The following ANTXRL variants were observed in gnomAD, a reference collection of about 807,000 sequenced individuals.
ANTXRL encodes anthrax toxin receptor-like.
ANTXRL carries 63 observed loss-of-function variants against 75.4 expected under a neutral mutation model. The ratio of observed to expected loss-of-function variants is 0.84; its 90% confidence interval spans 0.68 to 1.03. The LOEUF (loss-of-function observed/expected upper bound fraction) is 1.03. Ranked by LOEUF, ANTXRL falls within the 50% of genes least tolerant of loss-of-function variation. ANTXRL has a pLI of 0.00. For missense variants in ANTXRL, 797 were observed against 789.4 expected (o/e 1.01, Z -0.12); for synonymous variants, 335 against 291.3 (o/e 1.15, Z -1.53).
chr10:46,313,085 C>T (rs1376453146), intron 15 of ANTXRL, 151 bp from the exon 16 acceptor site: 2 of 710,838 alleles, frequency 2.8e-6, no homozygotes, highest in South Asian at 1.6e-5. Flanking sequence ...CCCCAGCACA[C>T]AAGGCTGCCA....
intron 12 of ANTXRL, 105 bp from the exon 13 acceptor site, chr10:46,309,008 C>T (rs1351693519): frequency 9.3e-5 from 137 of 1,470,980 alleles, no homozygotes; most frequent in Middle Eastern, 7.0e-4. Flanking sequence ...TACCCGGATG[C>T]GGGGCCAGCT....
chr10:46,292,217 G>A (rs1837020600), intron 2 of ANTXRL, 88 bp downstream of exon 2: 1 of 1,288,886 alleles, frequency 7.8e-7, no homozygotes, highest in Non-Finnish European at 1.1e-6. Flanking sequence ...ATCAGATGGG[G>A]TGGGCGTGGG....
chr10:46,303,659 G>A (rs1554961125), intron 10 of ANTXRL, among the ~76,000 whole-genome samples: 2 of 152,128 alleles, frequency 1.3e-5, no homozygotes, highest in Admixed American at 1.3e-4. Context: ...AATCACATGC[G>A]TAGAGCAGTT....
chr10:46,293,897 A>G lies in ANTXRL; in HGVS notation c.389A>G (p.Asp130Gly), dbSNP rs1426311324. ...CAGACTGTCTTGCCACTCACCTCAG[A>G]CAAGTGAGTGCTGCTTTGAGCCCCA... ...DGQTVLPLTSDKNRIKNGLDQ... is the reference protein window; with the variant it reads ...DGQTVLPLTSGKNRIKNGLDQ... Residue 130 changes from aspartate (D) to glycine (G), a missense_variant, in exon 3 of 17, where the codon GAC becomes GGC. Asp to Gly is a moderately conservative substitution (Grantham distance 94). Transcript: ENST00000620264. 10 of 1,535,352 alleles carry G rather than the reference A, an allele frequency of 6.5e-6. No homozygotes were observed. The highest frequency in any genetic ancestry group is 8.7e-6 in the Non-Finnish European group (10 of 1,146,486).
At chr10:46,323,712 C>T (rs931379411) in intron 16 of ANTXRL, among the ~76,000 whole-genome samples, 3 of 152,092 alleles carry the variant, frequency 2.0e-5, no homozygotes, top group Non-Finnish European at 4.4e-5. Context: ...TGAGTAGGAA[C>T]TTCTAATACC....
chr10:46,294,055 C>T, intron 3 of ANTXRL, 155 bp downstream of exon 3: 1 of 642,730 alleles, frequency 1.6e-6, no homozygotes, highest in Non-Finnish European at 2.6e-6. Flanking sequence ...TGACCTTAGC[C>T]CCGGCTCCCC....
At chr10:46,298,963 C>A (rs1554959803) in intron 9 of ANTXRL, among the ~76,000 whole-genome samples, 1 of 151,638 alleles carries the variant, frequency 6.6e-6, no homozygotes, top group Non-Finnish European at 1.5e-5. Flanking sequence ...GTGTGAGTAC[C>A]TTTGTACAAT....
rs6602879 is a variant in ANTXRL, at chr10:46,306,719, A to C, written c.896-84A>C. The C allele has an allele frequency of 1.2e-5, 14 of 1,208,588 alleles. No individual in the cohort carries two copies. In the South Asian group the frequency reaches 2.3e-4, roughly 20 times the overall value. The allele number at this position is 1,208,588 out of a possible 1,614,324, so 74.9% of individuals were successfully genotyped here. ...CATGCCGGTCCTGGGCCACAGGGTC[A>C]GCCCTGCATGCTGAGGACAGACATG... On this transcript the variant is annotated intron_variant, in intron 10 of 16. Coordinates refer to ENST00000620264, the MANE Select transcript of ANTXRL (RefSeq NM_001278688.3).
intron 9 of ANTXRL, 68 bp from the exon 10 acceptor site, chr10:46,302,654 T>C: frequency 1.7e-6 from 2 of 1,168,282 alleles, no homozygotes; most frequent in South Asian, 1.3e-5. Flanking sequence ...TCTCCAGGAA[T>C]AGGGAGGTCA....
chr10:46,295,999 C>A lies in ANTXRL; in HGVS notation c.393-20C>A, dbSNP rs2132682746. ...AGTCAATGTCTTTCCAGGTCAACCA[C>A]CTTTTTAAATTTTTTTCAGGAATAG... On this transcript the variant is annotated intron_variant, in intron 3 of 16. Transcript: ENST00000620264. The A allele has an allele frequency of 6.5e-7, 1 of 1,532,080 alleles. No individual in the cohort carries two copies. Among genetic ancestry groups the A allele is most frequent in the East Asian group, 2.4e-5 (1 of 40,900 alleles). The allele number at this position is 1,532,080 out of a possible 1,614,324, so 94.9% of individuals were successfully genotyped here.
At chr10:46,297,521 A>G in intron 7 of ANTXRL, 47 bp downstream of exon 7, 1 of 1,526,550 alleles carries the variant, frequency 6.6e-7, no homozygotes, top group Non-Finnish European at 8.8e-7. Flanking sequence ...CCTAGTGGTC[A>G]CTTTCGAGCC....
At chr10:46,295,043 A>T (rs1554958137) in intron 3 of ANTXRL, among the ~76,000 whole-genome samples, 1 of 152,172 alleles carries the variant, frequency 6.6e-6, no homozygotes, top group East Asian at 1.9e-4. Context: ...CTTTAACAGC[A>T]ACTGACAGGC....
intron 2 of ANTXRL, chr10:46,293,103 ATG>A (rs1837073095): frequency 6.7e-6 from 1 of 148,996 alleles, no homozygotes; most frequent in Non-Finnish European, 1.5e-5. Context: ...ATTATAAGGT[ATG>A]TGTGTCTGTG....
At position 46,313,228 on chromosome 10, in the gene ANTXRL, C is replaced by T. The variant is rs782220803; in HGVS notation, c.1330-8C>T. 6.5e-7 allele frequency: 1 copy of T among 1,535,762 alleles called. No homozygotes were observed. The highest frequency in any genetic ancestry group is 1.2e-5 in the South Asian group (1 of 84,042). ...GCATGTCTTCCTCATGGCCACGTTG[C>T]TTTTCAGGGCAATCTGGATACCTTT... On this transcript the variant is annotated splice_polypyrimidine_tract_variant and splice_region_variant and intron_variant, in intron 15 of 16. Transcript: ENST00000620264.
chr10:46,321,400 T>G (rs1554965573), intron 16 of ANTXRL, among the ~76,000 whole-genome samples: 1 of 152,152 alleles, frequency 6.6e-6, no homozygotes, highest in African/African-American at 2.4e-5. Context: ...GGGAGAAATT[T>G]CTCTCATCAG....
intron 1 of ANTXRL, among the ~76,000 whole-genome samples, chr10:46,289,654 G>A (rs568168349): frequency 6.6e-6 from 1 of 152,244 alleles, no homozygotes; most frequent in Non-Finnish European, 1.5e-5. Context: ...GCTTGAGCCT[G>A]AGAGGTCAAG....
intron 16 of ANTXRL, among the ~76,000 whole-genome samples, chr10:46,326,273 G>T (rs924280143): frequency 5.9e-5 from 9 of 152,052 alleles, no homozygotes; most frequent in Non-Finnish European, 1.3e-4. Context: ...TGGTGTTAGG[G>T]ATGATGGAAG....
chr10:46,305,076 T>C (rs1837990667), intron 10 of ANTXRL, among the ~76,000 whole-genome samples: 1 of 152,154 alleles, frequency 6.6e-6, no homozygotes, highest in South Asian at 2.1e-4. Flanking sequence ...GAGAACAACC[T>C]TTAAACCTAT....
At position 46,297,490 on chromosome 10, in the gene ANTXRL, T is replaced by A; in HGVS notation, c.654+16T>A. On this transcript the variant is annotated intron_variant, in intron 7 of 16. Coordinates refer to ENST00000620264, the MANE Select transcript of ANTXRL (RefSeq NM_001278688.3). ...TCTGGATCAGGTAATTCCAAGCAGG[T>A]AACCAGGCGCCACTTTCAAGCCTAG... The A allele has an allele frequency of 1.3e-6, 2 of 1,534,698 alleles. No individual in the cohort carries two copies. Among genetic ancestry groups the A allele is most frequent in the Non-Finnish European group, 1.7e-6 (2 of 1,146,126 alleles).
Sources: gnomAD v4.1 joint callset for allele counts (sites outside exome capture counted in the v4.1 genomes callset) on GRCh38, gnomAD v4.1.1 for gene constraint, MANE v1.5 for transcripts, NCBI Gene and HGNC (gene_info 2026-07-23, HGNC 2026-07-21) for gene names.